PURB: variants seen among roughly 807,000 people sequenced by gnomAD.
PURB encodes transcriptional regulator protein Pur-beta.
In PURB, 11 loss-of-function variants were observed where a neutral mutation model predicts 21.1. The ratio of observed to expected loss-of-function variants is 0.52; its 90% CI spans 0.33 to 0.86. The LOEUF is 0.86. PURB is among the 40% of genes least tolerant of loss of function. The pLI, the probability that PURB is intolerant of heterozygous loss-of-function variation, is 0.02. For missense variants in PURB, 357 were observed against 456.5 expected (o/e 0.78, Z 1.99); for synonymous variants, 246 against 210.8 (o/e 1.17, Z -1.45).
Position 44,884,459 on chromosome 7 carries a change from C to T in PURB, c.890G>A (p.Gly297Asp), listed in dbSNP as rs568851952. The change falls in exon 1 of 1, where the codon GGC becomes GAC. Residue 297 changes from glycine to aspartate, a missense_variant. Gly to Asp is a moderately conservative substitution (Grantham distance 94). Coordinates refer to ENST00000395699, the MANE Select transcript of PURB (RefSeq NM_033224.5). ...CTCTGACTCTTCGCCGCCGCCGCTG[C>T]CCCCACCACGTCGCTCATAAAGCTT... ...RDKLYERRGG[G>D]SGGGEESEGE... is the part of the protein sequence containing the mutation. The T allele has an allele frequency of 5.6e-6, 9 of 1,613,568 alleles. No homozygotes were observed. The South Asian group carries it at 8.8e-5, about 16-fold the overall frequency.
In PURB at chr7:44,883,942, T is replaced by G. The variant is rs1197743668; in HGVS notation, c.*468A>C. 1 of 158,980 alleles carries G rather than the reference T, an allele frequency of 6.3e-6. No individual in the cohort carries two copies. Among genetic ancestry groups the G allele is most frequent in the African/African-American group, 2.4e-5 (1 of 41,570 alleles). 9.8% of individuals were successfully genotyped at this position (158,980 alleles called of 1,614,324 possible). A position where few individuals can be genotyped will look rare whatever the true frequency, so the allele number is the denominator to read the frequency against. On this transcript the variant is annotated 3_prime_UTR_variant, in exon 1 of 1. Transcript: ENST00000395699. ...GAAGACCTAGATCCAAAATGCTGAT[T>G]TCAATGGAGGTGAAGGGATAGACAC...
chr7:44,884,177 C>G lies in PURB; in HGVS notation c.*233G>C. 1.1e-6 allele frequency: 1 copy of G among 952,290 alleles called. No individual in the cohort carries two copies. The highest frequency in any genetic ancestry group is 1.9e-5 in the South Asian group (1 of 53,660). The allele number at this position is 952,290 out of a possible 1,614,324, so 59.0% of individuals were successfully genotyped here. Reference sequence around the variant, plus strand: ...ACAATTTTACGCAGGTGAGGAGATGCTGTTTTCCTCTTTGCAGGTTGCTGT... The same window carrying G: ...ACAATTTTACGCAGGTGAGGAGATGGTGTTTTCCTCTTTGCAGGTTGCTGT... On this transcript the variant is annotated 3_prime_UTR_variant, in exon 1 of 1. Transcript: ENST00000395699.
rs554203792 is a variant in PURB at position 44,880,472 on chromosome 7, A to G, written c.*3938T>C. On this transcript the variant is annotated 3_prime_UTR_variant, in exon 1 of 1. Transcript: ENST00000395699. ...CAATTTCATCCACCTCAAGAGCAAG[A>G]TAGATGCAAAGTCACCTTGTGTAGA... is the stretch of plus-strand genomic sequence containing the variant. 2 of 152,792 alleles carry G rather than the reference A, an allele frequency of 1.3e-5. No individual in the cohort carries two copies. Among genetic ancestry groups the G allele is most frequent in the South Asian group, 4.1e-4 (2 of 4,830 alleles). 9.5% of individuals were successfully genotyped at this position (152,792 alleles called of 1,614,324 possible).
Position 44,882,560 on chromosome 7 carries a change from C to G in PURB, c.*1850G>C, listed in dbSNP as rs1352589837. ...TGTACACAATTATTTCCCGCCCTCTCAGCCACAAATACATGAAAACCTTTT... is the reference window on the plus strand; with the variant it reads ...TGTACACAATTATTTCCCGCCCTCTGAGCCACAAATACATGAAAACCTTTT... On this transcript the variant is annotated 3_prime_UTR_variant, in exon 1 of 1. Coordinates refer to ENST00000395699, the MANE Select transcript of PURB (RefSeq NM_033224.5). The G allele has an allele frequency of 6.6e-6, 1 of 152,348 alleles. No homozygotes were observed. The highest frequency in any genetic ancestry group is 1.5e-5 in the Non-Finnish European group (1 of 68,014). The allele number at this position is 152,348 out of a possible 1,614,324, so 9.4% of individuals were successfully genotyped here. A position where few individuals can be genotyped will look rare whatever the true frequency, so the allele number is the denominator to read the frequency against.
In PURB at chr7:44,881,615, C is replaced by T. The variant is rs947483710; in HGVS notation, c.*2795G>A. 6.6e-6 allele frequency: 1 copy of T among 152,648 alleles called. No homozygotes were observed. Among genetic ancestry groups the T allele is most frequent in the African/African-American group, 2.4e-5 (1 of 41,438 alleles). The allele number at this position is 152,648 out of a possible 1,614,324, so 9.5% of individuals were successfully genotyped here. ...TTAATATAAATTACTTTTGCCAACACATAGCTTATGCATTCTTTGCTCCTT... is the reference window on the plus strand; with the variant it reads ...TTAATATAAATTACTTTTGCCAACATATAGCTTATGCATTCTTTGCTCCTT... On this transcript the variant is annotated 3_prime_UTR_variant, in exon 1 of 1. Coordinates refer to ENST00000395699, the MANE Select transcript of PURB (RefSeq NM_033224.5).
rs745720556 is a variant in PURB at position 44,882,649 on chromosome 7, G to A, written c.*1761C>T. ...TATAGATTGAATAATACCAAAATAA[G>A]ATAATAAAAAGGATATGCAATAAAT... On this transcript the variant is annotated 3_prime_UTR_variant, in exon 1 of 1. Transcript: ENST00000395699. 6.6e-5 allele frequency: 10 copies of A among 151,972 alleles called. No homozygotes were observed. Among genetic ancestry groups the A allele is most frequent in the Non-Finnish European group, 1.0e-4 (7 of 67,998 alleles). 9.4% of individuals were successfully genotyped at this position (151,972 alleles called of 1,614,324 possible).
rs1275058673 is a variant in PURB, at chr7:44,880,477, T to C, written c.*3933A>G. ...TCATCCACCTCAAGAGCAAGATAGA[T>C]GCAAAGTCACCTTGTGTAGATTACA... On this transcript the variant is annotated 3_prime_UTR_variant, in exon 1 of 1. Transcript: ENST00000395699. 3 of 152,692 alleles carry C rather than the reference T, an allele frequency of 2.0e-5. No individual in the cohort carries two copies. The highest frequency in any genetic ancestry group is 4.4e-5 in the Non-Finnish European group (3 of 68,048). 9.5% of individuals were successfully genotyped at this position (152,692 alleles called of 1,614,324 possible).
At position 44,878,198 on chromosome 7, in the gene PURB, G is replaced by A. The variant is rs1433649936; in HGVS notation, c.*6212C>T. On this transcript the variant is annotated 3_prime_UTR_variant, in exon 1 of 1. Coordinates refer to ENST00000395699, the MANE Select transcript of PURB (RefSeq NM_033224.5). ...GTTATTTAAGGTAAGGGGGAAAAAA[G>A]GACAAACTCATGCCTTCTGCAATAT... The A allele has an allele frequency of 6.6e-6, 1 of 152,170 alleles. No homozygotes were observed. The highest frequency in any genetic ancestry group is 1.5e-5 in the Non-Finnish European group (1 of 68,036). The allele number at this position is 152,170 out of a possible 1,614,324, so 9.4% of individuals were successfully genotyped here.
rs1472113353 is a variant in PURB at position 44,883,973 on chromosome 7, CAGTGAGGCCTAG to C, written c.*425_*436del. On this transcript the variant is annotated 3_prime_UTR_variant, in exon 1 of 1. Transcript: ENST00000395699. The stretch of plus-strand genomic sequence containing the variant: ...GGAGGTGAAGGGATAGACACCGCAA[CAGTGAGGCCTAG>C]AGAGATCTTTTATGCCAGATTACCC... The C allele has an allele frequency of 1.2e-5, 2 of 169,550 alleles. No homozygotes were observed. Among genetic ancestry groups the C allele is most frequent in the Admixed American group, 5.8e-5 (1 of 17,124 alleles). The allele number at this position is 169,550 out of a possible 1,614,324, so 10.5% of individuals were successfully genotyped here.
In PURB at chr7:44,878,403, A is replaced by C. The variant is rs886374037; in HGVS notation, c.*6007T>G. 9 of 152,270 alleles carry C rather than the reference A, an allele frequency of 5.9e-5. No individual in the cohort carries two copies. Among genetic ancestry groups the C allele is most frequent in the African/African-American group, 1.9e-4 (8 of 41,468 alleles). The allele number at this position is 152,270 out of a possible 1,614,324, so 9.4% of individuals were successfully genotyped here. A position where few individuals can be genotyped will look rare whatever the true frequency, so the allele number is the denominator to read the frequency against. On this transcript the variant is annotated 3_prime_UTR_variant, in exon 1 of 1. Coordinates refer to ENST00000395699, the MANE Select transcript of PURB (RefSeq NM_033224.5). ...ATCTGTTGACACTTAAAGTATAATT[A>C]TACTTTTTTATTAAACTGTTAGAAT...
Position 44,884,269 on chromosome 7 carries a change from T to TA in PURB, c.*140dup. ...ACTGTTCTCTTACGATTATTTCTCT[T>TA]AACTGTGTTACGTTTTGTTTTTTCC... On this transcript the variant is annotated 3_prime_UTR_variant, in exon 1 of 1. Transcript: ENST00000395699. The TA allele has an allele frequency of 6.9e-7, 1 of 1,451,260 alleles. No homozygotes were observed. Among genetic ancestry groups the TA allele is most frequent in the Non-Finnish European group, 9.1e-7 (1 of 1,103,028 alleles). 89.9% of individuals were successfully genotyped at this position (1,451,260 alleles called of 1,614,324 possible).
In PURB at chr7:44,885,205, T is replaced by C; in HGVS notation, c.144A>G (p.Leu48=). 6.3e-7 allele frequency: 1 copy of C among 1,582,878 alleles called. No individual in the cohort carries two copies. The highest frequency in any genetic ancestry group is 1.1e-5 in the South Asian group (1 of 88,426). Reference sequence around the variant, plus strand: ...GGCCCTTGGCGTTCTGCTTCACATCTAAGTAGAAGCGCTTGTTCTGGATGT... The same window carrying C: ...GGCCCTTGGCGTTCTGCTTCACATCCAAGTAGAAGCGCTTGTTCTGGATGT... ...RLDIQNKRFY[L]DVKQNAKGRF... is the part of the protein sequence containing the mutation. The change falls in exon 1 of 1, where the codon TTA becomes TTG. Residue 48 remains leucine, a synonymous_variant. Transcript: ENST00000395699.
In PURB at chr7:44,884,671, G is replaced by A; in HGVS notation, c.678C>T (p.Thr226=). ...CGAAGAAGAAGCGCTTGGAGTCCAC[G>A]GTGATGGAGGTGCCCTCCGGGAGCT... is the stretch of plus-strand genomic sequence containing the variant. The part of the protein sequence containing the change: ...YGELPEGTSI[T]VDSKRFFFDV... The change falls in exon 1 of 1, where the codon ACC becomes ACT. Residue 226 remains threonine (T), a synonymous_variant. Coordinates refer to ENST00000395699, the MANE Select transcript of PURB (RefSeq NM_033224.5). The A allele has an allele frequency of 6.2e-7, 1 of 1,614,112 alleles. No individual in the cohort carries two copies. The highest frequency in any genetic ancestry group is 8.5e-7 in the Non-Finnish European group (1 of 1,180,020).
In PURB at chr7:44,881,920, A is replaced by G. The variant is rs1430236710; in HGVS notation, c.*2490T>C. 2 of 154,628 alleles carry G rather than the reference A, an allele frequency of 1.3e-5. No individual in the cohort carries two copies. Among genetic ancestry groups the G allele is most frequent in the Non-Finnish European group, 2.9e-5 (2 of 68,214 alleles). 9.6% of individuals were successfully genotyped at this position (154,628 alleles called of 1,614,324 possible). The stretch of plus-strand genomic sequence containing the variant: ...GCAATTCAGCCAAACAAAAAGAAAA[A>G]AGAATAAACCAACCCCTTAAAAAGG... On this transcript the variant is annotated 3_prime_UTR_variant, in exon 1 of 1. Coordinates refer to ENST00000395699, the MANE Select transcript of PURB (RefSeq NM_033224.5).
Position 44,883,167 on chromosome 7 carries a change from T to C in PURB, c.*1243A>G, listed in dbSNP as rs1255828925. 6.6e-6 allele frequency: 1 copy of C among 152,616 alleles called. No individual in the cohort carries two copies. Among genetic ancestry groups the C allele is most frequent in the Non-Finnish European group, 1.5e-5 (1 of 68,038 alleles). The allele number at this position is 152,616 out of a possible 1,614,324, so 9.5% of individuals were successfully genotyped here. ...GAGGTACTGATACAATGGATCAAGT[T>C]CTTAAAAATTTTAAAAGAATAAATG... On this transcript the variant is annotated 3_prime_UTR_variant, in exon 1 of 1. Coordinates refer to ENST00000395699, the MANE Select transcript of PURB (RefSeq NM_033224.5).
Position 44,884,741 on chromosome 7 carries a change from C to A in PURB, c.608G>T (p.Gly203Val), listed in dbSNP as rs753860195. ...TGGGCCCCCGGCGCCGCCTCCCGGGCCGCCTGCCAGCTCGTCGTCCTCGCC... is the reference window on the plus strand; with the variant it reads ...TGGGCCCCCGGCGCCGCCTCCCGGGACGCCTGCCAGCTCGTCGTCCTCGCC... ...YGGEDDELAG[G>V]PGGGAGGPGG... Residue 203 changes from glycine (G) to valine (V), a missense_variant, in exon 1 of 1, where the codon GGC becomes GTC. By Grantham distance (109) the Gly-to-Val change is moderately radical. Transcript: ENST00000395699. The A allele has an allele frequency of 4.2e-5, 67 of 1,611,442 alleles. No individual in the cohort carries two copies. The highest frequency in any genetic ancestry group is 1.3e-5 in the African/African-American group (1 of 74,852).
At position 44,884,468 on chromosome 7, in the gene PURB, C is replaced by T; in HGVS notation, c.881G>A (p.Arg294His). 1 of 1,613,842 alleles carries T rather than the reference C, an allele frequency of 6.2e-7. No homozygotes were observed. Among genetic ancestry groups the T allele is most frequent in the East Asian group, 2.2e-5 (1 of 44,850 alleles). Reference protein sequence around the residue: ...ERQRDKLYERRGGGSGGGEES... With the variant: ...ERQRDKLYERHGGGSGGGEES... The stretch of plus-strand genomic sequence containing the variant: ...TTCGCCGCCGCCGCTGCCCCCACCA[C>T]GTCGCTCATAAAGCTTATCCCTCTG... The change falls in exon 1 of 1, where the codon CGT (arginine) becomes CAT (histidine). Residue 294 changes from arginine (R) to histidine (H), a missense_variant. Arg to His is a conservative substitution (Grantham distance 29). Transcript: ENST00000395699.
In PURB at chr7:44,885,164, G is replaced by T; in HGVS notation, c.185C>A (p.Ala62Asp). Residue 62 changes from alanine to aspartate, a missense_variant, in exon 1 of 1, where the codon GCC becomes GAC. Transcript: ENST00000395699. Reference protein sequence around the residue: ...QNAKGRFLKIAEVGAGGSKSR... With the variant: ...QNAKGRFLKIDEVGAGGSKSR... ...CTTGGAACCGCCCGCGCCCACCTCG[G>T]CGATCTTGAGGAAGCGGCCCTTGGC... 6.3e-7 allele frequency: 1 copy of T among 1,582,304 alleles called. No individual in the cohort carries two copies. The highest frequency in any genetic ancestry group is 1.4e-5 in the African/African-American group (1 of 71,244).
rs1043994986 is a variant in PURB at position 44,880,524 on chromosome 7, G to C, written c.*3886C>G. 6.6e-6 allele frequency: 1 copy of C among 152,034 alleles called. No individual in the cohort carries two copies. Among genetic ancestry groups the C allele is most frequent in the African/African-American group, 2.4e-5 (1 of 41,188 alleles). The allele number at this position is 152,034 out of a possible 1,614,324, so 9.4% of individuals were successfully genotyped here. A position where few individuals can be genotyped will look rare whatever the true frequency, so the allele number is the denominator to read the frequency against. ...TACATTCTACACCCCTGTAAAGCCA[G>C]TCAAGGTCACATTTAACAAAGCATC... is the stretch of plus-strand genomic sequence containing the variant. On this transcript the variant is annotated 3_prime_UTR_variant, in exon 1 of 1. Transcript: ENST00000395699.
Sources: allele counts gnomAD v4.1 joint callset, GRCh38; gene constraint gnomAD v4.1.1; transcripts MANE v1.5; gene names NCBI Gene and HGNC (gene_info 2026-07-23, HGNC 2026-07-21).